VPS26A: variants seen among roughly 807,000 people sequenced by gnomAD.
The protein encoded by VPS26A is vacuolar protein sorting-associated protein 26A.
VPS26A carries 22 observed loss-of-function variants against 42.4 expected under a neutral mutation model. The ratio of observed to expected loss-of-function variants is 0.52; its 90% confidence interval spans 0.37 to 0.74. The LOEUF (loss-of-function observed/expected upper bound fraction) is 0.74. Ranked by LOEUF, VPS26A falls within the 30% of genes least tolerant of loss-of-function variation. The probability of loss-of-function intolerance (pLI) is 0.00; values close to 1 mark genes in which losing one functional copy is unlikely to be tolerated. For missense variants in VPS26A, 276 were observed against 379.2 expected (o/e 0.73, Z 2.26); for synonymous variants, 110 against 123.5 (o/e 0.89, Z 0.73).
intron 3 of VPS26A, among the ~76,000 whole-genome samples, chr10:69,156,644 A>C (rs369323911): frequency 1.3e-5 from 2 of 152,064 alleles, no homozygotes; most frequent in African/African-American, 4.8e-5. Flanking sequence ...GTGTTTTGTA[A>C]TTTTATGAAG....
intron 5 of VPS26A, among the ~76,000 whole-genome samples, chr10:69,158,684 A>G (rs181506258): frequency 1.3e-5 from 2 of 152,198 alleles, no homozygotes; most frequent in Non-Finnish European, 2.9e-5. Context: ...AAATTTTATT[A>G]TGGGAAATTT....
At chr10:69,133,631 T>G in intron 2 of VPS26A, 1 of 1,284,448 alleles carries the variant, frequency 7.8e-7, no homozygotes, top group Non-Finnish European at 1.0e-6. Context: ...CCCCTTTTCT[T>G]TATCCGGTAA....
At chr10:69,160,127 TAC>T (rs71035066) in intron 5 of VPS26A, among the ~76,000 whole-genome samples, 9,472 of 148,316 alleles carry the variant, frequency 0.064, 628 homozygotes, top group East Asian at 0.22. Context: ...ACATAATTTT[TAC>T]ACACACACAC....
At chr10:69,154,335 G>A (rs1841382968) in intron 2 of VPS26A, among the ~76,000 whole-genome samples, 2 of 152,118 alleles carry the variant, frequency 1.3e-5, no homozygotes, top group Admixed American at 1.3e-4. Context: ...TCAGGAGTTT[G>A]AGACCAGCCT....
chr10:69,171,379 C>T lies in VPS26A; in HGVS notation c.*110C>T. On this transcript the variant is annotated 3_prime_UTR_variant, in exon 9 of 9. Transcript: ENST00000263559. ...AGGGGGCGGAAAAAGGCCAAAACTC[C>T]ATATATGTTAGTCTTCCTTTATCTT... 1 of 796,930 alleles carries T rather than the reference C, an allele frequency of 1.3e-6. No homozygotes were observed. The highest frequency in any genetic ancestry group is 2.0e-6 in the Non-Finnish European group (1 of 488,054). The allele number at this position is 796,930 out of a possible 1,614,324, so 49.4% of individuals were successfully genotyped here.
intron 7 of VPS26A, among the ~76,000 whole-genome samples, chr10:69,167,267 TA>T (rs1166148087): frequency 2.0e-5 from 3 of 150,082 alleles, no homozygotes; most frequent in Non-Finnish European, 1.5e-5. Context: ...CCCATTTCTA[TA>T]AAAAATACAA....
At position 69,173,068 on chromosome 10, in the gene VPS26A, A is replaced by G. The variant is rs760601024; in HGVS notation, c.*1799A>G. ...TAAAACTGTCATATACAGGATGCCT[A>G]TCCGTTTTGCTCAAGACTTTTTGTA... On this transcript the variant is annotated 3_prime_UTR_variant, in exon 9 of 9. Coordinates refer to ENST00000263559, the MANE Select transcript of VPS26A (RefSeq NM_004896.5). 3.2e-4 allele frequency among the ~76,000 whole-genome samples: 49 copies of G among 152,338 alleles called. No individual in the cohort carries two copies. The highest frequency in any genetic ancestry group is 4.3e-4 in the Non-Finnish European group (29 of 68,028).
intron 8 of VPS26A, among the ~76,000 whole-genome samples, chr10:69,169,351 A>G (rs1841764258): frequency 6.6e-6 from 1 of 152,062 alleles, no homozygotes; most frequent in African/African-American, 2.4e-5. Context: ...GGCACGTACC[A>G]CTGTGCCCTG....
At chr10:69,151,282 A>AAAAAAAAAC (rs71035063) in intron 2 of VPS26A, among the ~76,000 whole-genome samples, 1 of 136,824 alleles carries the variant, frequency 7.3e-6, no homozygotes, top group African/African-American at 3.3e-5. Context: ...AAAAAAAAAA[A>AAAAAAAAAC]ACACACACAC....
At chr10:69,125,248 C>T (rs192187878) in intron 1 of VPS26A, among the ~76,000 whole-genome samples, 1 of 152,198 alleles carries the variant, frequency 6.6e-6, no homozygotes, top group African/African-American at 2.4e-5. Flanking sequence ...GAATAAATAA[C>T]TTTTAATTTC....
At chr10:69,126,212 A>G (rs1026142950) in intron 1 of VPS26A, among the ~76,000 whole-genome samples, 10 of 141,414 alleles carry the variant, frequency 7.1e-5, no homozygotes, top group African/African-American at 2.5e-4. Flanking sequence ...TGTAATCCCA[A>G]CAATTTGGGA....
chr10:69,158,577 A>G (rs1184718940), intron 5 of VPS26A, among the ~76,000 whole-genome samples: 2 of 151,772 alleles, frequency 1.3e-5, no homozygotes, highest in African/African-American at 4.8e-5. Flanking sequence ...GTCTCCTTGT[A>G]TATCATTTCT....
rs1035934988 is a variant in VPS26A, at chr10:69,124,215, G to T, written c.-63G>T. 1.1e-5 allele frequency: 14 copies of T among 1,272,856 alleles called. No homozygotes were observed. The highest frequency in any genetic ancestry group is 7.7e-5 in the Admixed American group (2 of 25,996). 78.8% of individuals were successfully genotyped at this position (1,272,856 alleles called of 1,614,324 possible). On this transcript the variant is annotated 5_prime_UTR_variant, in exon 1 of 9. Transcript: ENST00000263559. ...CGGAGCGCCGGAGCGGAGGGAGCCGGGGCTGGGAGTTCTCCTGAGGGAAGA... is the reference window on the plus strand; with the variant it reads ...CGGAGCGCCGGAGCGGAGGGAGCCGTGGCTGGGAGTTCTCCTGAGGGAAGA...
At chr10:69,134,298 A>G (rs978479990) in intron 2 of VPS26A, among the ~76,000 whole-genome samples, 4 of 152,122 alleles carry the variant, frequency 2.6e-5, no homozygotes, top group African/African-American at 9.7e-5. Flanking sequence ...CTATTGTTTG[A>G]TATTTAAGCA....
intron 2 of VPS26A, among the ~76,000 whole-genome samples, chr10:69,145,991 CT>C (rs1432425268): frequency 6.6e-6 from 1 of 152,122 alleles, no homozygotes; most frequent in Non-Finnish European, 1.5e-5. Context: ...ACTGTGTGGC[CT>C]TTTGTGTCTG....
At chr10:69,154,977 T>C (rs1841401637) in intron 2 of VPS26A, among the ~76,000 whole-genome samples, 1 of 151,984 alleles carries the variant, frequency 6.6e-6, no homozygotes, top group Admixed American at 6.6e-5. Context: ...GATTATATAT[T>C]TTACTCCAAA....
chr10:69,150,110 G>GCT (rs1841267547), intron 2 of VPS26A, among the ~76,000 whole-genome samples: 1 of 151,550 alleles, frequency 6.6e-6, no homozygotes, highest in African/African-American at 2.4e-5. Context: ...TGTCATCCAG[G>GCT]CTGGAGTGCA....
At chr10:69,124,496 G>A (rs1352920940) in intron 1 of VPS26A, among the ~76,000 whole-genome samples, 1 of 152,206 alleles carries the variant, frequency 6.6e-6, no homozygotes, top group East Asian at 1.9e-4. Flanking sequence ...GGGCGGCGGC[G>A]TGCTCTCCTG....
intron 6 of VPS26A, among the ~76,000 whole-genome samples, chr10:69,165,300 T>C (rs1465814244): frequency 6.6e-6 from 1 of 152,146 alleles, no homozygotes; most frequent in Non-Finnish European, 1.5e-5. Flanking sequence ...TATTCATAAT[T>C]TAAAACATCT....
Sources: allele counts gnomAD v4.1 joint callset (sites outside exome capture counted in the v4.1 genomes callset), GRCh38; gene constraint gnomAD v4.1.1; transcripts MANE v1.5; gene names NCBI Gene and HGNC (gene_info 2026-07-23, HGNC 2026-07-21).